APLF: variants seen among roughly 807,000 people sequenced by gnomAD.
APLF encodes the protein aprataxin and PNKP like factor.
In APLF, 61 loss-of-function variants were observed where a neutral mutation model predicts 55.6. The observed-to-expected ratio is 1.10, with a 90% CI of 0.89 to 1.36. The LOEUF is 1.36. Among genes scored for constraint, APLF ranks in the 40% most tolerant of loss-of-function variants. The probability of loss-of-function intolerance (pLI) is 0.00; values close to 1 mark genes in which losing one functional copy is unlikely to be tolerated. For missense variants in APLF, 611 were observed against 602.5 expected, an observed-to-expected ratio of 1.01 and a Z score of -0.15; for synonymous variants, 207 against 214.8, an observed-to-expected ratio of 0.96 and a Z score of 0.32.
intron 5 of APLF, among the ~76,000 whole-genome samples, chr2:68,518,444 TAATA>T (rs1350884980): frequency 2.3e-4 from 26 of 113,376 alleles, no homozygotes; most frequent in Non-Finnish European, 3.9e-4. Flanking sequence ...TAATATATAA[TAATA>T]TATTATATAT....
At chr2:68,481,529 A>C (rs1009731056) in intron 1 of APLF, among the ~76,000 whole-genome samples, 1 of 152,038 alleles carries the variant, frequency 6.6e-6, no homozygotes, top group Non-Finnish European at 1.5e-5. Flanking sequence ...TGTTGTTTGT[A>C]GAATTTTCTC....
At chr2:68,533,784 T>A (rs1325658787) in intron 6 of APLF, among the ~76,000 whole-genome samples, 2 of 152,158 alleles carry the variant, frequency 1.3e-5, no homozygotes, top group African/African-American at 2.4e-5. Flanking sequence ...AGCTGTTAGA[T>A]CTTTTAAGGC....
At chr2:68,509,091 A>C (rs1253123151) in intron 3 of APLF, among the ~76,000 whole-genome samples, 1 of 152,140 alleles carries the variant, frequency 6.6e-6, no homozygotes, top group African/African-American at 2.4e-5. Context: ...TAAAGACTTA[A>C]ATGTTAGACC....
chr2:68,573,247 C>CA (rs1399469349), intron 9 of APLF, among the ~76,000 whole-genome samples: 1 of 152,192 alleles, frequency 6.6e-6, no homozygotes, highest in Non-Finnish European at 1.5e-5. Flanking sequence ...GTCAAGCTGT[C>CA]AATCCCTGTC....
At position 68,557,840 on chromosome 2, in the gene APLF, G is replaced by A. The variant is rs1047929243; in HGVS notation, c.1287-9501G>A. ...GCAGGAGAATCACTTGAACCCGGGA[G>A]GTGGAGGTTACAGGGAGCTGAGATC... On this transcript the variant is annotated intron_variant, in intron 8 of 9. Transcript: ENST00000303795. Among the ~76,000 whole-genome samples, 3 of 152,026 alleles carry A rather than the reference G, an allele frequency of 2.0e-5. No individual in the cohort carries two copies. In the East Asian group the frequency reaches 5.8e-4, roughly 29 times the overall value.
At chr2:68,492,171 G>A (rs939840576) in intron 2 of APLF, among the ~76,000 whole-genome samples, 9 of 152,028 alleles carry the variant, frequency 5.9e-5, no homozygotes, top group African/African-American at 1.7e-4. Flanking sequence ...TTGTACTTTT[G>A]TGGCTATTCA....
chr2:68,562,876 A>G (rs1173231292), intron 8 of APLF, among the ~76,000 whole-genome samples: 6 of 151,972 alleles, frequency 3.9e-5, no homozygotes, highest in Non-Finnish European at 8.8e-5. Context: ...AACATATCTA[A>G]AATTTGTTTT....
intron 1 of APLF, among the ~76,000 whole-genome samples, chr2:68,488,256 G>C (rs533879831): frequency 6.6e-6 from 1 of 151,668 alleles, no homozygotes; most frequent in Non-Finnish European, 1.5e-5. Context: ...ACTCTCAGCC[G>C]CATTTTTTGA....
intron 1 of APLF, among the ~76,000 whole-genome samples, chr2:68,478,012 A>T (rs1451735307): frequency 1.3e-5 from 2 of 152,130 alleles, no homozygotes; most frequent in African/African-American, 4.8e-5. Flanking sequence ...TTTAAAAAAA[A>T]AAAAGGTGAT....
chr2:68,500,159 G>A (rs971598606), intron 2 of APLF, among the ~76,000 whole-genome samples: 1 of 152,116 alleles, frequency 6.6e-6, no homozygotes, highest in South Asian at 2.1e-4. Context: ...TTTAGTTGGA[G>A]TATATGTAGT....
chr2:68,572,788 G>A (rs1428312131), intron 9 of APLF, among the ~76,000 whole-genome samples: 4 of 152,144 alleles, frequency 2.6e-5, no homozygotes, highest in African/African-American at 7.2e-5. Context: ...GCAGTGAGCC[G>A]TGATTGTGTC....
At chr2:68,480,202 T>C (rs1276406585) in intron 1 of APLF, among the ~76,000 whole-genome samples, 1 of 152,126 alleles carries the variant, frequency 6.6e-6, no homozygotes, top group Non-Finnish European at 1.5e-5. Flanking sequence ...TAAGTGTTCT[T>C]TTGGTGGAGT....
intron 9 of APLF, among the ~76,000 whole-genome samples, chr2:68,576,764 T>C (rs1671636089): frequency 6.6e-6 from 1 of 152,170 alleles, no homozygotes; most frequent in Non-Finnish European, 1.5e-5. Flanking sequence ...AAATTATAAC[T>C]ATATGTTGCA....
At chr2:68,546,113 G>C (rs1169452353) in intron 8 of APLF, among the ~76,000 whole-genome samples, 1 of 152,036 alleles carries the variant, frequency 6.6e-6, no homozygotes, top group Non-Finnish European at 1.5e-5. Flanking sequence ...CCAGAAAGGA[G>C]AATGACTTAT....
chr2:68,508,748 A>T (rs1676951908), intron 3 of APLF, among the ~76,000 whole-genome samples: 2 of 152,130 alleles, frequency 1.3e-5, no homozygotes, highest in African/African-American at 4.8e-5. Flanking sequence ...AACAAAAAAG[A>T]GCCCACATTG....
chr2:68,526,002 G>C, intron 5 of APLF, 59 bp from the exon 6 acceptor site: 1 of 1,481,178 alleles, frequency 6.8e-7, no homozygotes, highest in Non-Finnish European at 9.1e-7. Flanking sequence ...TTTTGATATG[G>C]ATTATTGACA....
chr2:68,515,600 T>C, intron 5 of APLF: 9 of 985,040 alleles, frequency 9.1e-6, no homozygotes, highest in Non-Finnish European at 1.1e-5. Context: ...CCACATAAAA[T>C]ATGAAGCACG....
intron 8 of APLF, among the ~76,000 whole-genome samples, chr2:68,562,496 C>A (rs1395043272): frequency 6.6e-6 from 1 of 151,882 alleles, no homozygotes; most frequent in Non-Finnish European, 1.5e-5. Context: ...CATACATGTG[C>A]AAGTGTGTGT....
Position 68,579,968 on chromosome 2 carries a change from C to CA in APLF, c.*1952dup. ...ACTATATATTTCAATAAATCTGTCA[C>CA]AAAAAAGTAATGCAAAGGGTAATAC... On this transcript the variant is annotated 3_prime_UTR_variant, in exon 10 of 10. Transcript: ENST00000303795. The CA allele has an allele frequency of 7.0e-6, 6 of 862,074 alleles. No homozygotes were observed. Among genetic ancestry groups the CA allele is most frequent in the Non-Finnish European group, 8.4e-6 (6 of 717,850 alleles). 53.4% of individuals were successfully genotyped at this position (862,074 alleles called of 1,614,324 possible). A position where few individuals can be genotyped will look rare whatever the true frequency, so the allele number is the denominator to read the frequency against.
Sources: allele counts gnomAD v4.1 joint callset (sites outside exome capture counted in the v4.1 genomes callset), GRCh38; gene constraint gnomAD v4.1.1; transcripts MANE v1.5; gene names NCBI Gene and HGNC (gene_info 2026-07-23, HGNC 2026-07-21).